Variants in CNBD1 observed in about 807,000 individuals in gnomAD.
The protein encoded by CNBD1 is cyclic nucleotide-binding domain-containing protein 1.
In CNBD1, 71 loss-of-function variants were observed where a neutral mutation model predicts 54.4. The ratio of observed to expected loss-of-function variants is 1.30; its 90% CI spans 1.08 to 1.59. CNBD1 has a LOEUF of 1.59. CNBD1 is among the 40% of genes most tolerant of loss of function. The probability of loss-of-function intolerance (pLI) is 0.00; values close to 1 mark genes in which losing one functional copy is unlikely to be tolerated. For synonymous variants in CNBD1, 182 were observed against 170.7 expected, an observed-to-expected ratio of 1.07 and a Z score of -0.51; for missense variants, 659 against 518.0, an observed-to-expected ratio of 1.27 and a Z score of -2.64.
chr8:87,011,237 A>G (rs1443326157), intron 4 of CNBD1, among the ~76,000 whole-genome samples: 1 of 151,482 alleles, frequency 6.6e-6, no homozygotes, highest in Non-Finnish European at 1.5e-5. Context: ...GCACTGTGCA[A>G]CTAAAGAATT....
chr8:87,164,840 T>C (rs1264219223), intron 4 of CNBD1, among the ~76,000 whole-genome samples: 2 of 151,894 alleles, frequency 1.3e-5, no homozygotes, highest in African/African-American at 4.8e-5. Context: ...AGTTTTTTCC[T>C]TTCCACATTC....
intron 2 of CNBD1, among the ~76,000 whole-genome samples, chr8:86,899,247 A>G (rs1808895851): frequency 6.6e-6 from 1 of 152,156 alleles, no homozygotes; most frequent in African/African-American, 2.4e-5. Context: ...AAGAGATCTA[A>G]TATACGATAT....
At chr8:87,345,615 G>T (rs549896921) in intron 8 of CNBD1, among the ~76,000 whole-genome samples, 1 of 152,136 alleles carries the variant, frequency 6.6e-6, no homozygotes, top group South Asian at 2.1e-4. Context: ...AACAATAATT[G>T]TTCAAAATAA....
chr8:87,399,321 A>G (rs896453020), intron 2 of CNBD1, among the ~76,000 whole-genome samples: 2 of 152,000 alleles, frequency 1.3e-5, no homozygotes, highest in Non-Finnish European at 2.9e-5. Flanking sequence ...GACACTGTGC[A>G]TGTGCACAAT....
intron 4 of CNBD1, among the ~76,000 whole-genome samples, chr8:86,950,189 T>C (rs774583706): frequency 1.1e-4 from 16 of 150,216 alleles, no homozygotes; most frequent in Non-Finnish European, 2.4e-4. Flanking sequence ...GCTTCCAGAG[T>C]AGCTGGGATT....
At position 87,379,723 on chromosome 8, in the gene CNBD1, G is replaced by A. The variant is rs571314747; in HGVS notation, c.1304-2897G>A. Among the ~76,000 whole-genome samples, 111 of 151,748 alleles carry A rather than the reference G, an allele frequency of 7.3e-4. 1 individual carries two copies. Among genetic ancestry groups the A allele is most frequent in the African/African-American group, 2.6e-3 (108 of 41,406 alleles). ...ACCAGTAATTTTTTTTAAGAAATAC[G>A]TTTATAATATTTGTAAAATTACATT... On this transcript the variant is annotated intron_variant, in intron 10 of 10. Coordinates refer to ENST00000518476, the MANE Select transcript of CNBD1 (RefSeq NM_173538.3).
Position 86,866,791 on chromosome 8 carries a change from T to C in CNBD1, c.88+208T>C, listed in dbSNP as rs576291795. Among the ~76,000 whole-genome samples, 5 of 152,322 alleles carry C rather than the reference T, an allele frequency of 3.3e-5. No homozygotes were observed. In the South Asian group the frequency reaches 1.0e-3, roughly 32 times the overall value. ...AGTACTCTAGGTCTTAAGTATTTTT[T>C]CTCTGTAAAATGAGGATCTTTACGA... On this transcript the variant is annotated intron_variant, in intron 1 of 10. Transcript: ENST00000518476.
intron 8 of CNBD1, among the ~76,000 whole-genome samples, chr8:87,330,057 A>T (rs1809788124): frequency 6.6e-6 from 1 of 151,972 alleles, no homozygotes; most frequent in Non-Finnish European, 1.5e-5. Flanking sequence ...CAATTGGAAG[A>T]AGGTCTACTG....
chr8:87,353,919 G>A (rs1563566350), intron 10 of CNBD1, 133 bp downstream of exon 10: 3 of 584,828 alleles, frequency 5.1e-6, no homozygotes, highest in Non-Finnish European at 8.8e-6. Context: ...TGGAGTATTT[G>A]CATAATCTCC....
intron 9 of CNBD1, among the ~76,000 whole-genome samples, chr8:87,352,141 A>G (rs1810310839): frequency 6.6e-6 from 1 of 152,166 alleles, no homozygotes; most frequent in African/African-American, 2.4e-5. Context: ...TCCACTCCAG[A>G]TAGTTTCTCC....
intron 8 of CNBD1, among the ~76,000 whole-genome samples, chr8:87,296,040 T>A (rs1444520656): frequency 6.6e-6 from 1 of 152,180 alleles, no homozygotes; most frequent in Non-Finnish European, 1.5e-5. Flanking sequence ...TGCTATTGAT[T>A]GTCTTTTTTC....
At chr8:87,100,885 G>A (rs1281899857) in intron 4 of CNBD1, among the ~76,000 whole-genome samples, 1 of 152,150 alleles carries the variant, frequency 6.6e-6, no homozygotes, top group Non-Finnish European at 1.5e-5. Flanking sequence ...TCTAAAATCT[G>A]TATAAAAACT....
At chr8:87,420,917 C>A (rs754719927) in intron 2 of CNBD1, among the ~76,000 whole-genome samples, 1 of 151,728 alleles carries the variant, frequency 6.6e-6, no homozygotes, top group Non-Finnish European at 1.5e-5. Flanking sequence ...TGTTACTGAT[C>A]GTGGAGTAAG....
intron 5 of CNBD1, among the ~76,000 whole-genome samples, chr8:87,220,760 G>C (rs1426219783): frequency 6.6e-6 from 1 of 151,840 alleles, no homozygotes. Context: ...CTGTGGTCCT[G>C]AATATATACT....
At chr8:87,247,840 G>C (rs1807837904) in intron 6 of CNBD1, among the ~76,000 whole-genome samples, 2 of 152,284 alleles carry the variant, frequency 1.3e-5, no homozygotes, top group South Asian at 4.1e-4. Context: ...AAGTTCAGGT[G>C]ACATTTTTCA....
At chr8:87,421,808 T>A (rs1198132263) in intron 2 of CNBD1, among the ~76,000 whole-genome samples, 1 of 143,244 alleles carries the variant, frequency 7.0e-6, no homozygotes, top group African/African-American at 2.7e-5. Flanking sequence ...GATGGCTGGG[T>A]CAAATGGTAT....
intron 8 of CNBD1, among the ~76,000 whole-genome samples, 179 bp from the exon 9 acceptor site, chr8:87,351,506 T>A (rs992159010): frequency 6.6e-6 from 1 of 152,316 alleles, no homozygotes; most frequent in South Asian, 2.1e-4. Context: ...GTTAGAGATA[T>A]AAATACTGGG....
At chr8:87,291,696 C>A (rs1808789060) in intron 8 of CNBD1, among the ~76,000 whole-genome samples, 1 of 152,066 alleles carries the variant, frequency 6.6e-6, no homozygotes, top group South Asian at 2.1e-4. Context: ...ATTATCCAGG[C>A]TGGACTCAAA....
intron 4 of CNBD1, among the ~76,000 whole-genome samples, chr8:87,153,138 C>T (rs529083322): frequency 2.9e-4 from 44 of 152,038 alleles, no homozygotes; most frequent in African/African-American, 8.7e-4. Context: ...TTGTTGATGA[C>T]TTTCCTAATT....
Sources: gnomAD v4.1 joint callset for allele counts (sites outside exome capture counted in the v4.1 genomes callset) on GRCh38, gnomAD v4.1.1 for gene constraint, MANE v1.5 for transcripts, NCBI Gene and HGNC (gene_info 2026-07-23, HGNC 2026-07-21) for gene names.